The following CDH13 variants were observed in gnomAD, a reference collection of about 807,000 sequenced individuals.
CDH13 encodes cadherin-13.
A neutral mutation model predicts 63.8 loss-of-function variants in CDH13; 24 were observed. That is an observed-to-expected ratio of 0.38 (90% CI 0.27 to 0.53). The LOEUF (loss-of-function observed/expected upper bound fraction) is 0.53. Among genes scored for constraint, CDH13 ranks in the 20% least tolerant of loss-of-function variants. CDH13 has a pLI of 0.85. For missense variants in CDH13, 1,049 were observed against 903.1 expected (o/e 1.16, Z -2.07); for synonymous variants, 503 against 355.3 (o/e 1.42, Z -4.67).
chr16:82,761,538 T>C (rs748481631), intron 1 of CDH13, among the ~76,000 whole-genome samples: 1 of 152,212 alleles, frequency 6.6e-6, no homozygotes, highest in Non-Finnish European at 1.5e-5. Context: ...TTGGGATCAG[T>C]TGGTTTCATC....
chr16:82,720,404 T>G (rs1260182197), intron 1 of CDH13, among the ~76,000 whole-genome samples: 3 of 152,190 alleles, frequency 2.0e-5, no homozygotes, highest in Non-Finnish European at 4.4e-5. Flanking sequence ...CCTTCCAAAT[T>G]GCTTAGTCTA....
chr16:83,629,058 ATGTTCC>A (rs1910561156), intron 8 of CDH13, among the ~76,000 whole-genome samples: 1 of 152,178 alleles, frequency 6.6e-6, no homozygotes, highest in Non-Finnish European at 1.5e-5. Context: ...TCTCTTCCTT[ATGTTCC>A]TGCTACTGAG....
intron 1 of CDH13, among the ~76,000 whole-genome samples, chr16:82,796,908 A>G (rs541117891): frequency 6.6e-6 from 1 of 152,324 alleles, no homozygotes; most frequent in South Asian, 2.1e-4. Flanking sequence ...CTGGGAGACT[A>G]TTGACTCTGC....
At chr16:83,000,472 T>C (rs1252627180) in intron 2 of CDH13, among the ~76,000 whole-genome samples, 1 of 151,268 alleles carries the variant, frequency 6.6e-6, no homozygotes, top group Non-Finnish European at 1.5e-5. Flanking sequence ...TTGGTCTCAC[T>C]ACTGACCTCA....
chr16:83,137,663 T>G (rs1392510895), intron 4 of CDH13, among the ~76,000 whole-genome samples: 1 of 152,138 alleles, frequency 6.6e-6, no homozygotes, highest in African/African-American at 2.4e-5. Flanking sequence ...AATTAAGAGA[T>G]ATCACTGCCC....
Position 83,634,113 on chromosome 16 carries a change from TTTTC to T in CDH13, c.1101+31521_1101+31524del, listed in dbSNP as rs1465572157. On this transcript the variant is annotated intron_variant, in intron 8 of 13. Transcript: ENST00000567109. ...CGAAGTCTCCACCCATTTTTGTGTG[TTTTC>T]TGTGTGTGTGTGTGTGTATGTGTGT... Among the ~76,000 whole-genome samples, 8 of 73,250 alleles carry T rather than the reference TTTTC, an allele frequency of 1.1e-4. No homozygotes were observed. The South Asian group carries it at 2.4e-3, about 22-fold the overall frequency. 48.1% of individuals were successfully genotyped at this position (73,250 alleles called of 152,430 possible). A position where few individuals can be genotyped will look rare whatever the true frequency, so the allele number is the denominator to read the frequency against.
At chr16:82,976,661 A>G (rs1280544630) in intron 2 of CDH13, among the ~76,000 whole-genome samples, 1 of 152,190 alleles carries the variant, frequency 6.6e-6, no homozygotes, top group Admixed American at 6.5e-5. Flanking sequence ...ATGGTGGAGA[A>G]TGTAGGTGAG....
At chr16:83,258,857 C>CTTT (rs1427424566) in intron 5 of CDH13, among the ~76,000 whole-genome samples, 1 of 152,198 alleles carries the variant, frequency 6.6e-6, no homozygotes, top group African/African-American at 2.4e-5. Flanking sequence ...TTGAATAAAC[C>CTTT]TTTAGCTCAC....
chr16:82,704,321 T>C (rs1222852100), intron 1 of CDH13, among the ~76,000 whole-genome samples: 1 of 152,242 alleles, frequency 6.6e-6, no homozygotes, highest in East Asian at 1.9e-4. Flanking sequence ...TCATTAAGGC[T>C]GTGTCCACCC....
chr16:83,003,717 G>C (rs191794359), intron 2 of CDH13, among the ~76,000 whole-genome samples: 1 of 152,214 alleles, frequency 6.6e-6, no homozygotes, highest in Non-Finnish European at 1.5e-5. Flanking sequence ...TTAGAGCACA[G>C]AGAAGATTAC....
At chr16:82,650,494 C>T (rs575490022) in intron 1 of CDH13, among the ~76,000 whole-genome samples, 6 of 152,226 alleles carry the variant, frequency 3.9e-5, no homozygotes, top group South Asian at 2.1e-4. Context: ...ATGAGAAGTC[C>T]TAAAAGCCTC....
chr16:82,795,856 A>G (rs2036555622), intron 1 of CDH13, among the ~76,000 whole-genome samples: 1 of 151,774 alleles, frequency 6.6e-6, no homozygotes, highest in Admixed American at 6.6e-5. Flanking sequence ...CAATCCCTGC[A>G]TCTCCATCTC....
intron 3 of CDH13, among the ~76,000 whole-genome samples, chr16:83,116,551 G>T (rs2035305380): frequency 6.6e-6 from 1 of 152,148 alleles, no homozygotes; most frequent in Non-Finnish European, 1.5e-5. Flanking sequence ...GAAATATTGT[G>T]GGGACATATC....
At chr16:82,919,350 C>G (rs940394108) in intron 2 of CDH13, among the ~76,000 whole-genome samples, 1 of 152,170 alleles carries the variant, frequency 6.6e-6, no homozygotes, top group Non-Finnish European at 1.5e-5. Context: ...TTCTGATCCT[C>G]TTTCTCCTCC....
chr16:83,594,327 C>T (rs574937689), intron 7 of CDH13, among the ~76,000 whole-genome samples: 19 of 152,354 alleles, frequency 1.2e-4, no homozygotes, highest in African/African-American at 3.6e-4. Context: ...TATTCTCCCC[C>T]ACTTTACAGA....
At chr16:83,509,834 G>A (rs895980532) in intron 7 of CDH13, among the ~76,000 whole-genome samples, 1 of 152,130 alleles carries the variant, frequency 6.6e-6, no homozygotes, top group African/African-American at 2.4e-5. Flanking sequence ...TCTGAGTTTG[G>A]AGGACCTTGT....
intron 1 of CDH13, among the ~76,000 whole-genome samples, chr16:82,643,615 T>C (rs1909694040): frequency 6.6e-6 from 1 of 152,216 alleles, no homozygotes; most frequent in Non-Finnish European, 1.5e-5. Context: ...TCACGTTTGT[T>C]TTGCTGATTT....
chr16:82,808,283 T>A (rs1176624909), intron 1 of CDH13, among the ~76,000 whole-genome samples: 2 of 152,198 alleles, frequency 1.3e-5, no homozygotes, highest in Non-Finnish European at 2.9e-5. Flanking sequence ...ATAATGGAGC[T>A]CATTGTCTAG....
chr16:82,683,840 T>G (rs1914797083), intron 1 of CDH13, among the ~76,000 whole-genome samples: 2 of 152,246 alleles, frequency 1.3e-5, no homozygotes, highest in Admixed American at 6.5e-5. Flanking sequence ...TGGTAGACAT[T>G]ATATTACATA....
Sources: gnomAD v4.1 joint callset for allele counts (sites outside exome capture counted in the v4.1 genomes callset) on GRCh38, gnomAD v4.1.1 for gene constraint, MANE v1.5 for transcripts, NCBI Gene and HGNC (gene_info 2026-07-23, HGNC 2026-07-21) for gene names.